Variants in RXRA observed in about 807,000 individuals in gnomAD.
RXRA encodes retinoic acid receptor RXR-alpha.
A neutral mutation model predicts 44.5 loss-of-function variants in RXRA; 5 were observed. The observed-to-expected ratio is 0.11, with a 90% CI of 0.06 to 0.24. The LOEUF is 0.24. RXRA is among the 10% of genes least tolerant of loss of function. The pLI is 1.00. For missense variants in RXRA, 412 were observed against 646.5 expected (o/e 0.64, Z 3.93); for synonymous variants, 291 against 271.4 (o/e 1.07, Z -0.71).
At chr9:134,411,219 C>G (rs1831143117) in intron 4 of RXRA, among the ~76,000 whole-genome samples, 1 of 152,224 alleles carries the variant, frequency 6.6e-6, no homozygotes, top group African/African-American at 2.4e-5. Flanking sequence ...GCCCTGCAGC[C>G]CAGTCATCCA....
intron 6 of RXRA, chr9:134,427,132 C>T (rs1212235233): frequency 1.0e-6 from 1 of 984,938 alleles, no homozygotes; most frequent in African/African-American, 1.8e-5. Flanking sequence ...TTAGACTTCT[C>T]CCAAATGTGA....
intron 1 of RXRA, among the ~76,000 whole-genome samples, chr9:134,333,588 G>C (rs1554746945): frequency 6.6e-6 from 1 of 152,184 alleles, no homozygotes. Context: ...AACCCTCGGA[G>C]TTCAAAGACA....
chr9:134,337,121 G>T (rs1830020150), intron 1 of RXRA, among the ~76,000 whole-genome samples: 2 of 152,226 alleles, frequency 1.3e-5, no homozygotes, highest in Admixed American at 6.5e-5. Context: ...CAGAGCCTGG[G>T]AGTCCTTGAA....
Position 134,423,395 on chromosome 9 carries a change from C to G in RXRA, c.910+1590C>G, listed in dbSNP as rs941153713. On this transcript the variant is annotated intron_variant, in intron 6 of 9. Transcript: ENST00000481739. ...CTCAGCCCGACTGGGGAGCCTCAGCCCATACAAGGCGGCTCCTAAGTGGCA... is the reference window on the plus strand; with the variant it reads ...CTCAGCCCGACTGGGGAGCCTCAGCGCATACAAGGCGGCTCCTAAGTGGCA... 13 of 985,350 alleles carry G rather than the reference C, an allele frequency of 1.3e-5. 1 individual carries two copies. The African/African-American group carries it at 2.3e-4, about 17-fold the overall frequency. The allele number at this position is 985,350 out of a possible 1,614,324, so 61.0% of individuals were successfully genotyped here.
Position 134,436,972 on chromosome 9 carries a change from G to C in RXRA, c.*358G>C, listed in dbSNP as rs376267840. On this transcript the variant is annotated 3_prime_UTR_variant, in exon 10 of 10. Transcript: ENST00000481739. Reference sequence around the variant, plus strand: ...CCCTGGAGCTGCAGGAGTTGGGAACGGGGCTTTTGTTTCCGTTGCTGTTTA... The same window carrying C: ...CCCTGGAGCTGCAGGAGTTGGGAACCGGGCTTTTGTTTCCGTTGCTGTTTA... 2 of 246,762 alleles carry C rather than the reference G, an allele frequency of 8.1e-6. No individual in the cohort carries two copies. Among genetic ancestry groups the C allele is most frequent in the East Asian group, 9.2e-5 (1 of 10,898 alleles). 15.3% of individuals were successfully genotyped at this position (246,762 alleles called of 1,614,324 possible). A position where few individuals can be genotyped will look rare whatever the true frequency, so the allele number is the denominator to read the frequency against.
At chr9:134,395,901 A>T (rs1026511883) in intron 1 of RXRA, among the ~76,000 whole-genome samples, 1 of 152,174 alleles carries the variant, frequency 6.6e-6, no homozygotes, top group Non-Finnish European at 1.5e-5. Context: ...AGCCTGGGCC[A>T]CCTGAGCTGT....
intron 1 of RXRA, among the ~76,000 whole-genome samples, chr9:134,384,969 G>A (rs1234011271): frequency 1.3e-5 from 2 of 152,186 alleles, no homozygotes; most frequent in Non-Finnish European, 2.9e-5. Context: ...CATCTTGGCG[G>A]CCTGTCCCCA....
At chr9:134,372,485 A>G (rs546128606) in intron 1 of RXRA, among the ~76,000 whole-genome samples, 3 of 152,280 alleles carry the variant, frequency 2.0e-5, no homozygotes, top group Non-Finnish European at 2.9e-5. Flanking sequence ...GGTTGGACCC[A>G]TTGCAGAATT....
At position 134,411,787 on chromosome 9, in the gene RXRA, G is replaced by C. The variant is rs867490429; in HGVS notation, c.610+2668G>C. Among the ~76,000 whole-genome samples the C allele has an allele frequency of 3.9e-5, 6 of 152,334 alleles. No individual in the cohort carries two copies. The Middle Eastern group carries it at 0.017, about 432-fold the overall frequency. On this transcript the variant is annotated intron_variant, in intron 4 of 9. Transcript: ENST00000481739. ...TGCGTGGGCGGTGAGGAGGCAGTGA[G>C]GCCCCCGTGCCAAACGTGCCCTGCT...
Position 134,381,264 on chromosome 9 carries a change from C to T in RXRA, c.29-20368C>T, listed in dbSNP as rs1422726451. Among the ~76,000 whole-genome samples the T allele has an allele frequency of 2.0e-5, 3 of 152,252 alleles. No homozygotes were observed. In the East Asian group the frequency reaches 5.8e-4, roughly 29 times the overall value. Reference sequence around the variant, plus strand: ...GCGTGGCCAGGTTGCCCGGCCTGGGCTGGGGGCTGGGTCCAGGGATGCAGC... The same window carrying T: ...GCGTGGCCAGGTTGCCCGGCCTGGGTTGGGGGCTGGGTCCAGGGATGCAGC... On this transcript the variant is annotated intron_variant, in intron 1 of 9. Transcript: ENST00000481739.
At chr9:134,350,317 G>A (rs1389732771) in intron 1 of RXRA, among the ~76,000 whole-genome samples, 1 of 152,152 alleles carries the variant, frequency 6.6e-6, no homozygotes, top group African/African-American at 2.4e-5. Flanking sequence ...CCCCCGCCTC[G>A]CCAGCTGCAG....
intron 1 of RXRA, among the ~76,000 whole-genome samples, chr9:134,338,196 G>A (rs528162783): frequency 2.0e-5 from 3 of 152,294 alleles, no homozygotes; most frequent in East Asian, 1.9e-4. Flanking sequence ...GCACTGTCCC[G>A]GGGCCTCCCT....
intron 1 of RXRA, among the ~76,000 whole-genome samples, chr9:134,393,865 C>A (rs1422140483): frequency 6.6e-6 from 1 of 152,134 alleles, no homozygotes; most frequent in South Asian, 2.1e-4. Flanking sequence ...CTGGGTCTAA[C>A]CCCAGCGCCC....
intron 7 of RXRA, among the ~76,000 whole-genome samples, chr9:134,430,121 C>T (rs527401253): frequency 2.3e-4 from 35 of 152,324 alleles, no homozygotes; most frequent in South Asian, 1.0e-3. Context: ...CTCCTGACCT[C>T]GTGATCCGCC....
At position 134,343,611 on chromosome 9, in the gene RXRA, C is replaced by T. The variant is rs1244371853; in HGVS notation, c.28+16952C>T. Among the ~76,000 whole-genome samples the T allele has an allele frequency of 1.3e-5, 2 of 152,098 alleles. No individual in the cohort carries two copies. The highest frequency in any genetic ancestry group is 4.8e-5 in the African/African-American group (2 of 41,408). ...AAGCGAGACCAGTCACTGGGTGCAACCTTGACATAGGCTTGAGGGGTCACG... is the reference window on the plus strand; with the variant it reads ...AAGCGAGACCAGTCACTGGGTGCAATCTTGACATAGGCTTGAGGGGTCACG... On this transcript the variant is annotated intron_variant, in intron 1 of 9. Transcript: ENST00000481739. The surrounding 1 kb of genome is among the most constrained non-coding windows in gnomAD (Gnocchi z 4.1).
rs1830965432 is a variant in RXRA at position 134,401,810 on chromosome 9, C to T, written c.207C>T (p.Ser69=). The change falls in exon 2 of 10, where the codon AGC becomes AGT. Residue 69 remains serine, a synonymous_variant. Transcript: ENST00000481739. The part of the protein sequence containing the change: ...NGMGPPFSVI[S]SPMGPHSMSV... The stretch of plus-strand genomic sequence containing the variant: ...TGGGCCCGCCTTTCTCGGTCATCAG[C>T]TCCCCCATGGGCCCCCACTCCATGT... 1 of 1,613,006 alleles carries T rather than the reference C, an allele frequency of 6.2e-7. No homozygotes were observed. The highest frequency in any genetic ancestry group is 1.7e-4 in the Middle Eastern group (1 of 6,058).
At chr9:134,386,609 G>A (rs890481868) in intron 1 of RXRA, among the ~76,000 whole-genome samples, 4 of 152,340 alleles carry the variant, frequency 2.6e-5, no homozygotes, top group East Asian at 1.9e-4. Flanking sequence ...GTACGTGGCC[G>A]TGCTGAGGGT....
At chr9:134,353,350 A>G (rs554948561) in intron 1 of RXRA, among the ~76,000 whole-genome samples, 319 of 152,200 alleles carry the variant, frequency 2.1e-3, no homozygotes, top group African/African-American at 7.2e-3. Flanking sequence ...GGGCCAGCAT[A>G]CTGGAGAGTG....
At position 134,408,970 on chromosome 9, in the gene RXRA, G is replaced by A; in HGVS notation, c.461G>A (p.Gly154Glu). The change falls in exon 4 of 10, where the codon GGG (glycine) becomes GAG (glutamate). Residue 154 changes from glycine to glutamate, a missense_variant. By Grantham distance (98) the Gly-to-Glu change is moderately conservative (BLOSUM62 -2). Transcript: ENST00000481739. The stretch of plus-strand genomic sequence containing the variant: ...CACTATGGAGTGTACAGCTGCGAGG[G>A]GTGCAAGGGCTTCTTCAAGCGGACG... Reference protein sequence around the residue: ...GKHYGVYSCEGCKGFFKRTVR... With the variant: ...GKHYGVYSCEECKGFFKRTVR... The A allele has an allele frequency of 6.2e-7, 1 of 1,602,294 alleles. No individual in the cohort carries two copies. The highest frequency in any genetic ancestry group is 8.5e-7 in the Non-Finnish European group (1 of 1,173,992).
Sources: gnomAD v4.1 joint callset for allele counts (sites outside exome capture counted in the v4.1 genomes callset) on GRCh38, gnomAD v4.1.1 for gene constraint, Gnocchi (gnomAD v3.1) non-coding constraint, MANE v1.5 for transcripts, NCBI Gene and HGNC (gene_info 2026-07-23, HGNC 2026-07-21) for gene names.